Variants in FBXO31 observed in about 807,000 individuals in gnomAD.
FBXO31 encodes F-box only protein 31.
In FBXO31, 24 loss-of-function variants were observed where a neutral mutation model predicts 54.4. That is an observed-to-expected ratio of 0.44 (90% confidence interval 0.32 to 0.62). The LOEUF is 0.62. Among genes scored for constraint, FBXO31 ranks in the 20% least tolerant of loss-of-function variants. The pLI is 0.05. For missense variants in FBXO31, 665 were observed against 787.1 expected (o/e 0.84, Z 1.86); for synonymous variants, 388 against 335.6 (o/e 1.16, Z -1.71).
chr16:87,375,422 T>A (rs183607249), intron 1 of FBXO31, among the ~76,000 whole-genome samples: 7 of 149,578 alleles, frequency 4.7e-5, no homozygotes, highest in Non-Finnish European at 7.4e-5. Context: ...ACCCGGGAGG[T>A]AGAGGATGAA....
intron 5 of FBXO31, among the ~76,000 whole-genome samples, chr16:87,340,700 G>A (rs1282523173): frequency 1.3e-5 from 2 of 152,188 alleles, no homozygotes; most frequent in African/African-American, 4.8e-5. Context: ...GCTCATGCCT[G>A]TAGCCCCAGC....
intron 1 of FBXO31, chr16:87,367,407 C>A (rs1425305829): frequency 6.6e-6 from 1 of 152,140 alleles, no homozygotes; most frequent in Non-Finnish European, 1.5e-5. Flanking sequence ...CACCAACCCC[C>A]GACCACTGAA....
chr16:87,357,851 T>C (rs761099743), intron 2 of FBXO31, among the ~76,000 whole-genome samples: 9 of 151,618 alleles, frequency 5.9e-5, no homozygotes, highest in Non-Finnish European at 1.3e-4. Flanking sequence ...CAGTATTACT[T>C]GAACCGAGGA....
chr16:87,358,336 A>C lies in FBXO31; in HGVS notation c.412+1959T>G, dbSNP rs1905988222. ...AGGACCAAAGCTGTCCCATGTGTGA[A>C]TCAGAGGGCCCTCCCCATGCAGTTC... On this transcript the variant is annotated intron_variant, in intron 2 of 8. Coordinates refer to ENST00000311635, the MANE Select transcript of FBXO31 (RefSeq NM_024735.5). The surrounding 1 kb of genome is among the most constrained non-coding windows in gnomAD (Gnocchi z 4.0). 1 of 152,642 alleles carries C rather than the reference A, an allele frequency of 6.6e-6. No homozygotes were observed. Among genetic ancestry groups the C allele is most frequent in the Non-Finnish European group, 1.5e-5 (1 of 68,048 alleles). The allele number at this position is 152,642 out of a possible 1,614,324, so 9.5% of individuals were successfully genotyped here. A position where few individuals can be genotyped will look rare whatever the true frequency, so the allele number is the denominator to read the frequency against.
At chr16:87,353,924 GAT>G (rs1351307363) in intron 2 of FBXO31, among the ~76,000 whole-genome samples, 4 of 152,240 alleles carry the variant, frequency 2.6e-5, no homozygotes, top group Non-Finnish European at 5.9e-5. Flanking sequence ...CTCCCACACC[GAT>G]TAGATGACAA....
rs1025726002 is a variant in FBXO31 at position 87,335,215 on chromosome 16, G to A, written c.996+89C>T. On this transcript the variant is annotated intron_variant, in intron 7 of 8. Transcript: ENST00000311635. This position sits in a 1 kb window ranked among gnomAD's most constrained non-coding sequence, Gnocchi z 5.7. ...CACTCTGAGGAGCAAGGGTGCCGGG[G>A]ATCAGTGTCTGCCCAAGTTCCCTGA... The A allele has an allele frequency of 1.7e-5, 26 of 1,569,060 alleles. No individual in the cohort carries two copies. The highest frequency in any genetic ancestry group is 4.5e-5 in the East Asian group (2 of 44,652).
intron 1 of FBXO31, chr16:87,366,948 C>CAG (rs1414165293): frequency 2.6e-5 from 4 of 152,372 alleles, no homozygotes; most frequent in Admixed American, 2.6e-4. Context: ...GAGGCCAAGG[C>CAG]AGAAGGCTTG....
chr16:87,360,827 G>T (rs1271910861), intron 1 of FBXO31, among the ~76,000 whole-genome samples: 1 of 152,166 alleles, frequency 6.6e-6, no homozygotes, highest in Non-Finnish European at 1.5e-5. Context: ...CCAAGGCCAA[G>T]AGGGGACCGT....
Position 87,331,002 on chromosome 16 carries a change from A to G in FBXO31, c.*286T>C, listed in dbSNP as rs868550835. The G allele has an allele frequency of 2.8e-6, 1 of 357,318 alleles. No homozygotes were observed. The highest frequency in any genetic ancestry group is 2.1e-5 in the African/African-American group (1 of 47,774). The allele number at this position is 357,318 out of a possible 1,614,324, so 22.1% of individuals were successfully genotyped here. ...AGGGTGCGGGAACCCCACCGCTTCAATTCTCACGCGGTCCCACGGCTGTCC... is the reference window on the plus strand; with the variant it reads ...AGGGTGCGGGAACCCCACCGCTTCAGTTCTCACGCGGTCCCACGGCTGTCC... On this transcript the variant is annotated 3_prime_UTR_variant, in exon 9 of 9. Coordinates refer to ENST00000311635, the MANE Select transcript of FBXO31 (RefSeq NM_024735.5).
At chr16:87,387,445 G>A (rs1907361763), upstream of FBXO31, among the ~76,000 whole-genome samples, 1 of 152,150 alleles carries the variant, frequency 6.6e-6, no homozygotes, top group Admixed American at 6.6e-5. Context: ...GAAGTAAGTC[G>A]AATATAGGGC....
chr16:87,357,420 C>T (rs9939805), intron 2 of FBXO31, among the ~76,000 whole-genome samples: 7,931 of 150,820 alleles, frequency 0.053, 714 homozygotes, highest in African/African-American at 0.18. Flanking sequence ...ACCTTCACCT[C>T]CCGGGTTCAA....
Position 87,360,278 on chromosome 16 carries a change from C to A in FBXO31, c.412+17G>T, listed in dbSNP as rs778774243. The A allele has an allele frequency of 7.4e-6, 12 of 1,611,476 alleles. No homozygotes were observed. The African/African-American group carries it at 1.2e-4, about 16-fold the overall frequency. On this transcript the variant is annotated intron_variant, in intron 2 of 8. Coordinates refer to ENST00000311635, the MANE Select transcript of FBXO31 (RefSeq NM_024735.5). ...GTACAAAGTTAATCATGGATGGTAA[C>A]AAATAGATTCACTCACGCTTCGCAT...
intron 2 of FBXO31, among the ~76,000 whole-genome samples, chr16:87,357,976 A>G (rs998071404): frequency 1.3e-5 from 2 of 152,136 alleles, no homozygotes; most frequent in African/African-American, 4.8e-5. Context: ...GTATATGCAT[A>G]TGTGATTTTT....
chr16:87,341,824 A>G (rs970700527), intron 5 of FBXO31, among the ~76,000 whole-genome samples: 4 of 152,190 alleles, frequency 2.6e-5, no homozygotes, highest in African/African-American at 9.6e-5. Flanking sequence ...CTTACTTGCA[A>G]AGAATTCCGA....
chr16:87,391,610 T>G (rs1054697019), upstream of FBXO31: 1 of 151,014 alleles, frequency 6.6e-6, no homozygotes, highest in African/African-American at 2.5e-5. Context: ...ACCAGGAGAG[T>G]TCCAGGCGCC....
chr16:87,353,531 G>C (rs796549232), intron 2 of FBXO31, among the ~76,000 whole-genome samples: 19 of 152,380 alleles, frequency 1.2e-4, no homozygotes, highest in African/African-American at 4.3e-4. Context: ...CAGAGACTCA[G>C]AGACAGAGGG....
intron 8 of FBXO31, among the ~76,000 whole-genome samples, chr16:87,332,644 G>A (rs1470129297): frequency 2.0e-5 from 3 of 151,324 alleles, no homozygotes; most frequent in South Asian, 2.1e-4. Flanking sequence ...CCCTCCGGGA[G>A]CTGGAACTGT....
chr16:87,363,299 G>A (rs1477599704), intron 1 of FBXO31, among the ~76,000 whole-genome samples: 2 of 152,150 alleles, frequency 1.3e-5, no homozygotes, highest in South Asian at 2.1e-4. Context: ...CAGGAGAATC[G>A]CTTGAACTCA....
upstream of FBXO31, chr16:87,383,809 C>G: frequency 9.2e-7 from 1 of 1,081,306 alleles, no homozygotes; most frequent in Non-Finnish European, 1.1e-6. The surrounding 1 kb of genome is among the most constrained non-coding windows in gnomAD (Gnocchi z 4.9). Context: ...GCCCCGCCAG[C>G]GCCGAGCCAC....
Sources: allele counts gnomAD v4.1 joint callset (sites outside exome capture counted in the v4.1 genomes callset), GRCh38; gene constraint gnomAD v4.1.1; non-coding constraint Gnocchi (gnomAD v3.1); transcripts MANE v1.5; gene names NCBI Gene and HGNC (gene_info 2026-07-23, HGNC 2026-07-21).